The following TRAPPC9 variants were observed in gnomAD, a reference collection of about 807,000 sequenced individuals.
The protein encoded by TRAPPC9 is IKK2 binding protein.
In TRAPPC9, 83 loss-of-function variants were observed where a neutral mutation model predicts 124.0. The ratio of observed to expected loss-of-function variants is 0.67; its 90% CI spans 0.56 to 0.80. The LOEUF is 0.80. Among genes scored for constraint, TRAPPC9 ranks in the 30% least tolerant of loss-of-function variants. The pLI, the probability that TRAPPC9 is intolerant of heterozygous loss-of-function variation, is 0.00. For synonymous variants in TRAPPC9, 638 were observed against 617.5 expected (o/e 1.03, Z -0.49); for missense variants, 1,302 against 1,508.3 (o/e 0.86, Z 2.27).
At chr8:139,986,606 T>A (rs535899001) in intron 19 of TRAPPC9, among the ~76,000 whole-genome samples, 1 of 152,354 alleles carries the variant, frequency 6.6e-6, no homozygotes, top group Non-Finnish European at 1.5e-5. Context: ...ATCTGTCAGA[T>A]ATTTTATAGA....
intron 17 of TRAPPC9, among the ~76,000 whole-genome samples, chr8:140,146,803 T>C (rs1441050208): frequency 6.6e-6 from 1 of 151,940 alleles, no homozygotes; most frequent in African/African-American, 2.4e-5. Context: ...TGCTCTGTCA[T>C]TTTATAAACT....
chr8:140,293,685 A>G (rs972488215), intron 11 of TRAPPC9, among the ~76,000 whole-genome samples: 1 of 151,824 alleles, frequency 6.6e-6, no homozygotes, highest in Non-Finnish European at 1.5e-5. Flanking sequence ...TGGACACAGG[A>G]AGGGGAACAT....
At chr8:140,003,179 T>G in intron 18 of TRAPPC9, among the ~76,000 whole-genome samples, 1 of 151,860 alleles carries the variant, frequency 6.6e-6, no homozygotes, top group East Asian at 1.9e-4. Flanking sequence ...AATAACCTAA[T>G]AAAACATTGG....
chr8:140,443,413 G>A (rs1301980184), intron 2 of TRAPPC9, among the ~76,000 whole-genome samples: 1 of 151,606 alleles, frequency 6.6e-6, no homozygotes, highest in South Asian at 2.1e-4. Flanking sequence ...TCCAGCGTGG[G>A]CGACAGAGCA....
At chr8:139,878,311 G>T (rs1829461515) in intron 21 of TRAPPC9, among the ~76,000 whole-genome samples, 1 of 152,206 alleles carries the variant, frequency 6.6e-6, no homozygotes. Context: ...ATTAGAATTG[G>T]AAAGTAGCAA....
At chr8:140,336,100 T>C (rs2067031062) in intron 9 of TRAPPC9, among the ~76,000 whole-genome samples, 2 of 152,198 alleles carry the variant, frequency 1.3e-5, no homozygotes, top group Non-Finnish European at 2.9e-5. Flanking sequence ...ATTATTACTT[T>C]TGATGTATAA....
intron 1 of TRAPPC9, among the ~76,000 whole-genome samples, chr8:140,455,783 A>C (rs1377830338): frequency 5.3e-5 from 8 of 152,298 alleles, no homozygotes. Flanking sequence ...AATGTCCATC[A>C]ACTGCCTGAT....
At chr8:140,209,821 C>G (rs545165760) in intron 17 of TRAPPC9, among the ~76,000 whole-genome samples, 1 of 152,272 alleles carries the variant, frequency 6.6e-6, no homozygotes, top group Non-Finnish European at 1.5e-5. Flanking sequence ...TGAATTGAGA[C>G]AGAATGTTTT....
Position 140,282,528 on chromosome 8 carries a change from C to T in TRAPPC9, c.2114+1361G>A, listed in dbSNP as rs188711438. On this transcript the variant is annotated intron_variant, in intron 14 of 22. Coordinates refer to ENST00000438773, the MANE Select transcript of TRAPPC9 (RefSeq NM_001160372.4). ...AAAAAAAAAAAAAAAGATTGTGCCA[C>T]GGCACTCCAGCCTGGGCAACAGAGC... Among the ~76,000 whole-genome samples the T allele has an allele frequency of 4.1e-3, 611 of 147,698 alleles. 5 individuals carry two copies. The highest frequency in any genetic ancestry group is 0.013 in the African/African-American group (530 of 39,604).
intron 21 of TRAPPC9, among the ~76,000 whole-genome samples, chr8:139,817,077 C>CACACACACACACACACACACACACA (rs1824894516): frequency 6.6e-6 from 1 of 151,968 alleles, no homozygotes; most frequent in Admixed American, 6.5e-5. Context: ...CACACACACA[C>CACACACACACACACACACACACACA]ACCAGCCACT....
At chr8:140,392,874 T>C (rs919136412) in intron 7 of TRAPPC9, among the ~76,000 whole-genome samples, 4 of 152,190 alleles carry the variant, frequency 2.6e-5, no homozygotes, top group African/African-American at 9.6e-5. Flanking sequence ...AGGAGCTGCC[T>C]GCATCCCTTT....
rs1233471249 is a variant in TRAPPC9 at position 140,289,174 on chromosome 8, AGTGTGTGTG to A, written c.1855-1449_1855-1441del. 1.6e-4 allele frequency among the ~76,000 whole-genome samples: 24 copies of A among 148,428 alleles called. No homozygotes were observed. The South Asian group carries it at 2.4e-3, about 15-fold the overall frequency. On this transcript the variant is annotated intron_variant, in intron 12 of 22. Transcript: ENST00000438773. Reference sequence around the variant, plus strand: ...GGCATATGGGTTTAGATATATATATAGTGTGTGTGTGTGTGTGTGTGTGTGTGTGTGTGT... The same window carrying A: ...GGCATATGGGTTTAGATATATATATATGTGTGTGTGTGTGTGTGTGTGTGT...
intron 17 of TRAPPC9, among the ~76,000 whole-genome samples, chr8:140,082,574 G>C (rs1472778247): frequency 6.6e-6 from 1 of 152,164 alleles, no homozygotes; most frequent in Non-Finnish European, 1.5e-5. Context: ...AAGGAGTAAA[G>C]GAATATAAAT....
chr8:140,017,795 G>A (rs745543389), intron 18 of TRAPPC9, among the ~76,000 whole-genome samples: 10 of 152,014 alleles, frequency 6.6e-5, no homozygotes, highest in Non-Finnish European at 8.8e-5. Flanking sequence ...CAATCAGTTC[G>A]GGGAAAACCA....
At chr8:140,075,430 GT>G (rs1278526814) in intron 17 of TRAPPC9, among the ~76,000 whole-genome samples, 1 of 152,186 alleles carries the variant, frequency 6.6e-6, no homozygotes, top group Non-Finnish European at 1.5e-5. Flanking sequence ...CCTCAACTCT[GT>G]CATTATGGAC....
chr8:139,900,102 G>A (rs1830925208), intron 20 of TRAPPC9, among the ~76,000 whole-genome samples: 1 of 152,170 alleles, frequency 6.6e-6, no homozygotes. Flanking sequence ...GCGACCCACT[G>A]CTTTTAGGAC....
At chr8:140,411,420 C>T (rs1277497501) in intron 5 of TRAPPC9, among the ~76,000 whole-genome samples, 1 of 152,216 alleles carries the variant, frequency 6.6e-6, no homozygotes, top group African/African-American at 2.4e-5. Context: ...TGGCTCACTG[C>T]AACCTCCGCC....
chr8:140,200,950 T>C (rs2062774409), intron 17 of TRAPPC9, among the ~76,000 whole-genome samples: 1 of 152,232 alleles, frequency 6.6e-6, no homozygotes, highest in African/African-American at 2.4e-5. Context: ...AGCTTTTCTG[T>C]AAATCTAAAA....
chr8:140,079,058 C>T (rs925832012), intron 17 of TRAPPC9, among the ~76,000 whole-genome samples: 3 of 152,022 alleles, frequency 2.0e-5, no homozygotes, highest in African/African-American at 2.4e-5. Flanking sequence ...ATGCTGTTTT[C>T]GTGATGGTGA....
Sources: allele counts gnomAD v4.1 joint callset (sites outside exome capture counted in the v4.1 genomes callset), GRCh38; gene constraint gnomAD v4.1.1; transcripts MANE v1.5; gene names NCBI Gene and HGNC (gene_info 2026-07-23, HGNC 2026-07-21).